Variants in PITHD1 observed in about 807,000 individuals in gnomAD.
PITHD1 encodes PITH domain containing 1, also known as PITH domain-containing protein 1.
In PITHD1, 8 loss-of-function variants were observed where a neutral mutation model predicts 27.5. That is an observed-to-expected ratio of 0.29 (90% CI 0.17 to 0.52). The LOEUF (loss-of-function observed/expected upper bound fraction) is 0.52. Among genes scored for constraint, PITHD1 ranks in the 20% least tolerant of loss-of-function variants. PITHD1 has a pLI of 0.96. For synonymous variants in PITHD1, 118 were observed against 106.8 expected (o/e 1.10, Z -0.64); for missense variants, 233 against 283.9 (o/e 0.82, Z 1.29).
chr1:23,778,702 G>C lies in PITHD1; in HGVS notation c.187G>C (p.Asp63His). 7.7e-7 allele frequency: 1 copy of C among 1,297,952 alleles called. No individual in the cohort carries two copies. The highest frequency in any genetic ancestry group is 9.8e-7 in the Non-Finnish European group (1 of 1,024,388). 80.4% of individuals were successfully genotyped at this position (1,297,952 alleles called of 1,614,324 possible). Residue 63 changes from aspartate (D) to histidine (H), a missense_variant, in exon 1 of 6, where the codon GAC becomes CAC. Transcript: ENST00000246151. ...CTTCAAGCCGTGGGAGGAGCGGACC[G>C]ACCGCTCCAAGGTGGGCCGCCTGGG... ...GVFKPWEERT[D>H]RSKFVESDAD...
chr1:23,787,075 T>G (rs1269291343), intron 5 of PITHD1, among the ~76,000 whole-genome samples, 200 bp from the exon 6 acceptor site: 2 of 152,218 alleles, frequency 1.3e-5, no homozygotes, highest in African/African-American at 2.4e-5. Flanking sequence ...GAATCAATGA[T>G]AATGATCTTT....
In PITHD1 at chr1:23,786,353, A is replaced by G. The variant is rs1351368302; in HGVS notation, c.464A>G (p.His155Arg). ...TCAAATGTCTATCATCTCTCAATTC[A>G]TATTTCAAAAAACTTCGGAGCAGAT... ...RFSNVYHLSI[H>R]ISKNFGADTT... The change falls in exon 5 of 6, where the codon CAT (histidine) becomes CGT (arginine). Residue 155 changes from histidine to arginine, a missense_variant. By Grantham distance (29) the His-to-Arg change is conservative. Transcript: ENST00000246151. The G allele has an allele frequency of 1.2e-6, 2 of 1,601,440 alleles. No homozygotes were observed. Among genetic ancestry groups the G allele is most frequent in the Non-Finnish European group, 8.6e-7 (1 of 1,169,354 alleles).
chr1:23,783,356 C>A (rs1030777336), intron 3 of PITHD1, among the ~76,000 whole-genome samples: 1 of 147,288 alleles, frequency 6.8e-6, no homozygotes, highest in African/African-American at 2.5e-5. Flanking sequence ...TACATATATA[C>A]GCATATATAT....
chr1:23,781,387 G>A (rs750746801), intron 3 of PITHD1, among the ~76,000 whole-genome samples: 8 of 151,286 alleles, frequency 5.3e-5, no homozygotes, highest in Non-Finnish European at 8.8e-5. Flanking sequence ...CACTTGAACC[G>A]CGGAGGTGCA....
At chr1:23,778,891 G>A (rs1277303377) in intron 1 of PITHD1, among the ~76,000 whole-genome samples, 178 bp downstream of exon 1, 4 of 152,166 alleles carry the variant, frequency 2.6e-5, no homozygotes, top group Admixed American at 6.5e-5. Flanking sequence ...TTTGCATATA[G>A]GGAAACTGAG....
intron 3 of PITHD1, among the ~76,000 whole-genome samples, chr1:23,783,065 C>T (rs757929736): frequency 6.6e-5 from 10 of 151,370 alleles, no homozygotes; most frequent in East Asian, 2.0e-4. Context: ...GGCGCGATCT[C>T]GGCTCACTGC....
intron 3 of PITHD1, among the ~76,000 whole-genome samples, chr1:23,783,367 A>G (rs948058604): frequency 7.2e-6 from 1 of 139,218 alleles, no homozygotes; most frequent in Non-Finnish European, 1.6e-5. Context: ...GCATATATAT[A>G]TACACATATA....
chr1:23,786,938 TTTCA>T (rs968761465), intron 5 of PITHD1, among the ~76,000 whole-genome samples: 9 of 152,124 alleles, frequency 5.9e-5, no homozygotes, highest in African/African-American at 2.2e-4. Context: ...TTTCAAATGC[TTTCA>T]TTGAGTATTT....
At chr1:23,785,820 T>C (rs374888786) in intron 4 of PITHD1, 41 bp downstream of exon 4, 15 of 1,134,574 alleles carry the variant, frequency 1.3e-5, no homozygotes, top group East Asian at 2.4e-5. Context: ...TGGCTTCTTA[T>C]AGGGCTTGCC....
intron 3 of PITHD1, among the ~76,000 whole-genome samples, chr1:23,784,808 G>T (rs188837394): frequency 5.3e-5 from 8 of 152,052 alleles, no homozygotes; most frequent in Non-Finnish European, 1.2e-4. Context: ...CCTCTCTAGC[G>T]GTTTGGATGT....
At chr1:23,784,936 A>G (rs1422333991) in intron 3 of PITHD1, among the ~76,000 whole-genome samples, 2 of 152,194 alleles carry the variant, frequency 1.3e-5, no homozygotes, top group East Asian at 1.9e-4. Flanking sequence ...ATGCTTGAGC[A>G]TTGGGTTACC....
chr1:23,787,203 C>G, intron 5 of PITHD1, 72 bp from the exon 6 acceptor site: 1 of 921,872 alleles, frequency 1.1e-6, no homozygotes, highest in African/African-American at 1.6e-5. Context: ...ATAAGGACTA[C>G]CGCAATGTGT....
chr1:23,785,492 CAAAAA>C (rs559942160), intron 3 of PITHD1, among the ~76,000 whole-genome samples, 178 bp from the exon 4 acceptor site: 1 of 59,934 alleles, frequency 1.7e-5, no homozygotes, highest in Non-Finnish European at 3.6e-5. Context: ...GACTCTGTCT[CAAAAA>C]AAAAAAAAAA....
rs549164497 is a variant in PITHD1 at position 23,786,237 on chromosome 1, ATTG to A, written c.426-72_426-70del. 8.4e-4 allele frequency: 533 copies of A among 636,194 alleles called. 6 individuals carry two copies. Among genetic ancestry groups the A allele is most frequent in the African/African-American group, 8.3e-3 (456 of 55,246 alleles). The allele number at this position is 636,194 out of a possible 1,614,324, so 39.4% of individuals were successfully genotyped here. ...CCTGGCTTTTACAAGCTGGAGCTGA[ATTG>A]TTGTTTCACATGGTGGTGAGATACT... On this transcript the variant is annotated intron_variant, in intron 4 of 5. Transcript: ENST00000246151.
At chr1:23,780,025 C>A (rs1638573219) in intron 3 of PITHD1, 84 bp downstream of exon 3, 1 of 650,414 alleles carries the variant, frequency 1.5e-6, no homozygotes, top group Non-Finnish European at 2.7e-6. Flanking sequence ...GTATCATTTT[C>A]TTCTTACCGG....
rs1221103083 is a variant in PITHD1 at position 23,778,504 on chromosome 1, G to C, written c.-12G>C. 7.4e-7 allele frequency: 1 copy of C among 1,347,756 alleles called. No individual in the cohort carries two copies. Among genetic ancestry groups the C allele is most frequent in the Non-Finnish European group, 9.5e-7 (1 of 1,055,862 alleles). The allele number at this position is 1,347,756 out of a possible 1,614,324, so 83.5% of individuals were successfully genotyped here. On this transcript the variant is annotated 5_prime_UTR_variant, in exon 1 of 6. Coordinates refer to ENST00000246151, the MANE Select transcript of PITHD1 (RefSeq NM_020362.5). ...GGTGGGGCCGAGAGGACGCGCAGGT[G>C]GCGGCGTTGCCATGTCGCACGGTCA...
chr1:23,782,789 G>A (rs908192308), intron 3 of PITHD1, among the ~76,000 whole-genome samples: 1 of 151,776 alleles, frequency 6.6e-6, no homozygotes, highest in Non-Finnish European at 1.5e-5. Context: ...TTTTTGCAGA[G>A]ATGGGGTTTT....
At position 23,786,360 on chromosome 1, in the gene PITHD1, A is replaced by C; in HGVS notation, c.471A>C (p.Ser157=). ...SNVYHLSIHI[S]KNFGADTTKV... is the part of the protein sequence containing the mutation. ...TCTATCATCTCTCAATTCATATTTC[A>C]AAAAACTTCGGAGCAGATACGACAA... is the stretch of plus-strand genomic sequence containing the variant. The change falls in exon 5 of 6, where the codon TCA becomes TCC. Residue 157 remains serine (S), a synonymous_variant. Coordinates refer to ENST00000246151, the MANE Select transcript of PITHD1 (RefSeq NM_020362.5). 2 of 1,605,502 alleles carry C rather than the reference A, an allele frequency of 1.2e-6. No individual in the cohort carries two copies. The highest frequency in any genetic ancestry group is 1.7e-6 in the Non-Finnish European group (2 of 1,172,944).
At chr1:23,786,699 C>A (rs1638690098) in intron 5 of PITHD1, among the ~76,000 whole-genome samples, 1 of 151,176 alleles carries the variant, frequency 6.6e-6, no homozygotes, top group Non-Finnish European at 1.5e-5. Context: ...AAGTGATTCT[C>A]CTGCCTCAGC....
Sources: allele counts gnomAD v4.1 joint callset (sites outside exome capture counted in the v4.1 genomes callset), GRCh38; gene constraint gnomAD v4.1.1; transcripts MANE v1.5; gene names NCBI Gene and HGNC (gene_info 2026-07-23, HGNC 2026-07-21).